Variants in SORBS2 observed in about 807,000 individuals in gnomAD.
SORBS2 encodes sorbin and SH3 domain-containing protein 2.
A neutral mutation model predicts 97.7 loss-of-function variants in SORBS2; 46 were observed. The ratio of observed to expected loss-of-function variants is 0.47; its 90% CI spans 0.37 to 0.60. The LOEUF (loss-of-function observed/expected upper bound fraction) is 0.60, where lower values mean the gene tolerates loss of function less well. Ranked by LOEUF, SORBS2 falls within the 20% of genes least tolerant of loss-of-function variation. SORBS2 has a pLI of 0.00. For synonymous variants in SORBS2, 476 were observed against 473.4 expected (o/e 1.01, Z -0.07); for missense variants, 1,316 against 1,282.3 (o/e 1.03, Z -0.40).
At chr4:185,675,927 G>T (rs546812305) in intron 4 of SORBS2, among the ~76,000 whole-genome samples, 1 of 152,094 alleles carries the variant, frequency 6.6e-6, no homozygotes, top group Non-Finnish European at 1.5e-5. Context: ...TGGGTGGGGG[G>T]ATCTTGGTGT....
intron 1 of SORBS2, among the ~76,000 whole-genome samples, chr4:185,818,825 C>CAAA (rs111877772): frequency 7.6e-6 from 1 of 131,312 alleles, no homozygotes; most frequent in Non-Finnish European, 1.7e-5. Flanking sequence ...GACTCTGTCT[C>CAAA]AAAAAAAAAA....
chr4:185,780,724 GT>G lies in SORBS2; in HGVS notation c.-337-5359del, dbSNP rs549242626. ...TACGTCCAATGACTTCTACTGCCTGGTTATTGATGTTAAGTAAATACTTTTT... is the reference window on the plus strand; with the variant it reads ...TACGTCCAATGACTTCTACTGCCTGGTATTGATGTTAAGTAAATACTTTTT... On this transcript the variant is annotated intron_variant, in intron 1 of 20. Transcript: ENST00000284776. Among the ~76,000 whole-genome samples, 18 of 152,282 alleles carry G rather than the reference GT, an allele frequency of 1.2e-4. No homozygotes were observed. In the East Asian group the frequency reaches 3.1e-3, roughly 26 times the overall value.
At chr4:185,730,905 C>G (rs937290871) in intron 2 of SORBS2, among the ~76,000 whole-genome samples, 9 of 152,082 alleles carry the variant, frequency 5.9e-5, no homozygotes, top group African/African-American at 2.2e-4. Flanking sequence ...CAGGCTGTAC[C>G]CAAATTGCAT....
chr4:185,842,930 TAAA>T (rs56193107), intron 1 of SORBS2, among the ~76,000 whole-genome samples: 1,277 of 122,350 alleles, frequency 0.01, 21 homozygotes, highest in African/African-American at 0.037. Context: ...AAAGACTGTC[TAAA>T]AAAAAAAAAA....
chr4:185,886,837 T>C (rs2099239911), intron 1 of SORBS2, among the ~76,000 whole-genome samples: 1 of 152,218 alleles, frequency 6.6e-6, no homozygotes, highest in African/African-American at 2.4e-5. Context: ...ATCACCCTTT[T>C]CAAATATTTG....
chr4:185,859,198 T>C (rs1005518764), intron 1 of SORBS2, among the ~76,000 whole-genome samples: 1 of 152,218 alleles, frequency 6.6e-6, no homozygotes, highest in Admixed American at 6.5e-5. Context: ...ACGGGACTTA[T>C]TTCAGTCGGA....
chr4:185,638,933 G>T, intron 4 of SORBS2: 3 of 1,510,494 alleles, frequency 2.0e-6, no homozygotes, highest in Non-Finnish European at 2.7e-6. Flanking sequence ...CCACTCCGGG[G>T]CGGAGGGGAG....
chr4:185,890,236 A>G (rs2099241776), intron 1 of SORBS2, among the ~76,000 whole-genome samples: 1 of 152,154 alleles, frequency 6.6e-6, no homozygotes, highest in Non-Finnish European at 1.5e-5. Context: ...TTTGTATAAA[A>G]TCCTTTTGTG....
intron 2 of SORBS2, among the ~76,000 whole-genome samples, chr4:185,749,303 G>T (rs2098785035): frequency 6.6e-6 from 1 of 152,212 alleles, no homozygotes; most frequent in Non-Finnish European, 1.5e-5. Context: ...GCAGCTCCTA[G>T]GAACTGCTCC....
chr4:185,642,126 A>G (rs928507819), intron 4 of SORBS2, among the ~76,000 whole-genome samples: 1 of 152,152 alleles, frequency 6.6e-6, no homozygotes, highest in African/African-American at 2.4e-5. Flanking sequence ...AATAAATGCT[A>G]TATACATTAT....
intron 2 of SORBS2, among the ~76,000 whole-genome samples, chr4:185,749,236 G>C (rs1035767200): frequency 6.6e-6 from 1 of 152,146 alleles, no homozygotes; most frequent in Admixed American, 6.5e-5. Flanking sequence ...AAAGCAACTG[G>C]GGACTGGGAT....
rs1425217739 is a variant in SORBS2, at chr4:185,632,599, C to T, written c.397-2001G>A. On this transcript the variant is annotated intron_variant, in intron 4 of 14. Transcript: ENST00000418609. ...GCGACACTGAAGAGCCTGAGAGCAT[C>T]GGCGTCTGTGCAGATCACGGCTTTC... Among the ~76,000 whole-genome samples, 3 of 152,290 alleles carry T rather than the reference C, an allele frequency of 2.0e-5. No homozygotes were observed. In the South Asian group the frequency reaches 6.2e-4, roughly 32 times the overall value.
At chr4:185,690,875 A>C (rs2098080588) in intron 2 of SORBS2, among the ~76,000 whole-genome samples, 1 of 148,432 alleles carries the variant, frequency 6.7e-6, no homozygotes, top group South Asian at 2.2e-4. Context: ...GAAAATGGAG[A>C]CGTTTTGTGC....
rs35266876 is a variant in SORBS2 at position 185,849,474 on chromosome 4, A to ATTTT, written c.-337-74112_-337-74109dup. Among the ~76,000 whole-genome samples, 1,330 of 147,152 alleles carry ATTTT rather than the reference A, an allele frequency of 9.0e-3. 39 individuals are homozygous for ATTTT. The highest frequency in any genetic ancestry group is 0.053 in the East Asian group (268 of 5,052). ...GCCTGCCACTCTTCCTCTCCCTGCC[A>ATTTT]TTTTTTTTTTTTTGAGATTCTGAGA... On this transcript the variant is annotated intron_variant, in intron 1 of 20. Transcript: ENST00000284776.
At chr4:185,740,740 G>A (rs1040333618) in intron 2 of SORBS2, among the ~76,000 whole-genome samples, 2 of 151,916 alleles carry the variant, frequency 1.3e-5, no homozygotes, top group Non-Finnish European at 2.9e-5. Flanking sequence ...CACTAACTCA[G>A]CCCAGCACCA....
upstream of SORBS2, among the ~76,000 whole-genome samples, chr4:185,661,482 A>G (rs1164067655): frequency 6.6e-6 from 1 of 152,116 alleles, no homozygotes; most frequent in East Asian, 1.9e-4. Flanking sequence ...TCTATCTTTC[A>G]CTGAATTCCT....
intron 1 of SORBS2, among the ~76,000 whole-genome samples, chr4:185,926,108 G>C (rs1215513356): frequency 1.3e-5 from 2 of 152,238 alleles, no homozygotes; most frequent in South Asian, 4.1e-4. Context: ...CAAGGACTGC[G>C]CTATAACCGC....
At chr4:185,694,675 CT>C (rs1042269923) in intron 2 of SORBS2, among the ~76,000 whole-genome samples, 6 of 132,120 alleles carry the variant, frequency 4.5e-5, no homozygotes, top group East Asian at 2.3e-4. Context: ...GCTTGAATTT[CT>C]TTTTTTTCTT....
Position 185,788,199 on chromosome 4 carries a change from C to T in SORBS2, c.-337-12833G>A, listed in dbSNP as rs73873381. 3.4e-3 allele frequency among the ~76,000 whole-genome samples: 516 copies of T among 152,236 alleles called. 2 individuals carry two copies. Among genetic ancestry groups the T allele is most frequent in the African/African-American group, 0.012 (495 of 41,540 alleles). On this transcript the variant is annotated intron_variant, in intron 1 of 20. Coordinates refer to the SORBS2 transcript ENST00000284776. ...AACTAAATGAGCTGTTAATGCTGTT[C>T]GCAATCGTAGACTCATTGAAGTGTC...
Sources: gnomAD v4.1 joint callset for allele counts (sites outside exome capture counted in the v4.1 genomes callset) on GRCh38, gnomAD v4.1.1 for gene constraint, MANE v1.5 for transcripts, NCBI Gene and HGNC (gene_info 2026-07-23, HGNC 2026-07-21) for gene names.